Variants in EFNA5 observed in about 807,000 individuals in gnomAD.
EFNA5 encodes the protein ephrin-A5.
Under a neutral mutation model 22.9 loss-of-function variants are expected in EFNA5, and 5 were observed. The ratio of observed to expected loss-of-function variants is 0.22; its 90% CI spans 0.11 to 0.46. The LOEUF is 0.46. Among genes scored for constraint, EFNA5 ranks in the 20% least tolerant of loss-of-function variants. The pLI, the probability that EFNA5 is intolerant of heterozygous loss-of-function variation, is 0.99. For missense variants in EFNA5, 237 were observed against 293.3 expected (o/e 0.81, Z 1.40); for synonymous variants, 113 against 112.2 (o/e 1.01, Z -0.04).
intron 1 of EFNA5, among the ~76,000 whole-genome samples, chr5:107,507,620 T>C (rs1457166177): frequency 1.3e-5 from 2 of 151,920 alleles, no homozygotes; most frequent in Non-Finnish European, 2.9e-5. Flanking sequence ...GAGGACCGCT[T>C]GAGCTCAGGA....
At chr5:107,384,764 C>T (rs968611849) in intron 4 of EFNA5, among the ~76,000 whole-genome samples, 3 of 126,996 alleles carry the variant, frequency 2.4e-5, no homozygotes, top group Non-Finnish European at 3.2e-5. Flanking sequence ...GGCACACACA[C>T]CACATTTTTT....
chr5:107,528,842 A>G (rs1747752201), intron 1 of EFNA5, among the ~76,000 whole-genome samples: 1 of 152,200 alleles, frequency 6.6e-6, no homozygotes, highest in South Asian at 2.1e-4. Context: ...TATAGATAAT[A>G]TGTTCTAGGC....
intron 1 of EFNA5, among the ~76,000 whole-genome samples, chr5:107,554,277 T>C (rs888160405): frequency 3.9e-5 from 6 of 152,194 alleles, no homozygotes; most frequent in Non-Finnish European, 8.8e-5. Context: ...TTAATTACAC[T>C]AGAATATAAA....
At chr5:107,453,928 G>A (rs1580461619) in intron 1 of EFNA5, among the ~76,000 whole-genome samples, 3 of 143,970 alleles carry the variant, frequency 2.1e-5, no homozygotes, top group Admixed American at 7.0e-5. Context: ...AGGCAAAAAT[G>A]CAAACTGAAG....
At chr5:107,606,808 C>T (rs1218234822) in intron 1 of EFNA5, among the ~76,000 whole-genome samples, 1 of 152,122 alleles carries the variant, frequency 6.6e-6, no homozygotes, top group East Asian at 1.9e-4. Flanking sequence ...CTCTGATATC[C>T]TTTAAATACA....
At chr5:107,601,006 T>C (rs1006557613) in intron 1 of EFNA5, among the ~76,000 whole-genome samples, 11 of 152,182 alleles carry the variant, frequency 7.2e-5, no homozygotes, top group African/African-American at 2.7e-4. Context: ...AAGTTCTTGT[T>C]ACCTTCAAAC....
chr5:107,472,950 C>T (rs2112387889), intron 1 of EFNA5, among the ~76,000 whole-genome samples: 1 of 152,280 alleles, frequency 6.6e-6, no homozygotes, highest in South Asian at 2.1e-4. Context: ...ATATTCTTAG[C>T]CCCTGCAGGC....
chr5:107,576,665 G>A, intron 1 of EFNA5, among the ~76,000 whole-genome samples: 1 of 152,232 alleles, frequency 6.6e-6, no homozygotes, highest in East Asian at 1.9e-4. Flanking sequence ...GCAGACTCAT[G>A]TGAGAGGAAA....
intron 2 of EFNA5, among the ~76,000 whole-genome samples, chr5:107,394,561 C>G (rs1292794156): frequency 6.6e-6 from 1 of 152,082 alleles, no homozygotes; most frequent in Non-Finnish European, 1.5e-5. Flanking sequence ...AACTTCAGGA[C>G]AAGGGAGGTA....
intron 1 of EFNA5, among the ~76,000 whole-genome samples, chr5:107,569,549 ATATATATATT>A (rs1303918389): frequency 6.5e-5 from 8 of 122,610 alleles, no homozygotes; most frequent in African/African-American, 2.1e-4. Context: ...ATATGTGTGT[ATATATATATT>A]TATATATATA....
At chr5:107,496,346 AAAAAAAACAAAAAAAC>A (rs1462091398) in intron 1 of EFNA5, among the ~76,000 whole-genome samples, 2 of 149,792 alleles carry the variant, frequency 1.3e-5, no homozygotes, top group African/African-American at 5.0e-5. Context: ...CAAAAAAAAA[AAAAAAAACAAAAAAAC>A]AAAAAACAAC....
At chr5:107,599,436 G>C (rs968033539) in intron 1 of EFNA5, among the ~76,000 whole-genome samples, 1 of 152,126 alleles carries the variant, frequency 6.6e-6, no homozygotes, top group Non-Finnish European at 1.5e-5. Flanking sequence ...CACAAAAATA[G>C]AATACTCAGA....
intron 1 of EFNA5, among the ~76,000 whole-genome samples, chr5:107,475,488 C>T (rs919518007): frequency 6.6e-6 from 1 of 152,140 alleles, no homozygotes; most frequent in Non-Finnish European, 1.5e-5. Context: ...AAACAAAATG[C>T]CACCACTGTC....
chr5:107,564,497 G>C (rs753252737), intron 1 of EFNA5, among the ~76,000 whole-genome samples: 1 of 152,106 alleles, frequency 6.6e-6, no homozygotes, highest in East Asian at 1.9e-4. Flanking sequence ...GGATGTAAAA[G>C]GTATTGTATT....
intron 1 of EFNA5, among the ~76,000 whole-genome samples, chr5:107,620,943 G>A (rs1446615242): frequency 6.6e-6 from 1 of 152,158 alleles, no homozygotes; most frequent in Non-Finnish European, 1.5e-5. Context: ...TCCATATTTG[G>A]ATCATCACGT....
At chr5:107,456,480 T>C (rs551180290) in intron 1 of EFNA5, among the ~76,000 whole-genome samples, 2 of 152,170 alleles carry the variant, frequency 1.3e-5, no homozygotes, top group East Asian at 3.9e-4. Flanking sequence ...TCTATCTAGG[T>C]AAAGGTGTAA....
intron 1 of EFNA5, among the ~76,000 whole-genome samples, chr5:107,493,395 G>T (rs153695): frequency 4.0e-5 from 6 of 151,834 alleles, no homozygotes; most frequent in Admixed American, 2.6e-4. Flanking sequence ...GAATGTGTGC[G>T]GTAACTGCAG....
chr5:107,630,389 T>G (rs908985820), intron 1 of EFNA5, among the ~76,000 whole-genome samples: 1 of 152,222 alleles, frequency 6.6e-6, no homozygotes, highest in Admixed American at 6.5e-5. Context: ...GCTACAAACC[T>G]GTATAGCAAG....
chr5:107,627,312 T>C (rs1378571148), intron 1 of EFNA5, among the ~76,000 whole-genome samples: 2 of 152,196 alleles, frequency 1.3e-5, no homozygotes, highest in Non-Finnish European at 2.9e-5. Flanking sequence ...ACCTGAGGAA[T>C]TGTTACTGAG....
Sources: allele counts gnomAD v4.1 joint callset (sites outside exome capture counted in the v4.1 genomes callset), GRCh38; gene constraint gnomAD v4.1.1; transcripts MANE v1.5; gene names NCBI Gene and HGNC (gene_info 2026-07-23, HGNC 2026-07-21).